MICU1: variants seen among roughly 807,000 people sequenced by gnomAD.
MICU1 encodes the protein calcium uptake protein 1, mitochondrial.
MICU1 carries 45 observed loss-of-function variants against 56.8 expected under a neutral mutation model. The observed-to-expected ratio is 0.79, with a 90% CI of 0.62 to 1.02. The LOEUF is 1.02. Among genes scored for constraint, MICU1 ranks in the 50% least tolerant of loss-of-function variants. MICU1 has a pLI of 0.00. For missense variants in MICU1, 504 were observed against 587.1 expected (o/e 0.86, Z 1.46); for synonymous variants, 186 against 195.1 (o/e 0.95, Z 0.39).
At chr10:72,425,200 T>C (rs1864307718) in intron 8 of MICU1, among the ~76,000 whole-genome samples, 1 of 152,226 alleles carries the variant, frequency 6.6e-6, no homozygotes, top group African/African-American at 2.4e-5. Flanking sequence ...TGCTCCCTGC[T>C]CTCCAGGGCC....
chr10:72,449,905 T>C (rs1865241544), intron 8 of MICU1, among the ~76,000 whole-genome samples: 1 of 152,092 alleles, frequency 6.6e-6, no homozygotes, highest in South Asian at 2.1e-4. Flanking sequence ...GTGCCTAATA[T>C]ACTAGACCAT....
intron 10 of MICU1, among the ~76,000 whole-genome samples, chr10:72,395,858 G>A (rs1017470311): frequency 9.9e-5 from 15 of 152,202 alleles, no homozygotes; most frequent in Non-Finnish European, 5.9e-5. Flanking sequence ...GGGCATAGCT[G>A]AACAAAAGCC....
rs747343780 is a variant in MICU1, at chr10:72,368,248, T to C, written c.1378A>G (p.Met460Val). Residue 460 changes from methionine to valine, a missense_variant, in exon 12 of 12, where the codon ATG (methionine) becomes GTG (valine). Coordinates refer to ENST00000361114, the MANE Select transcript of MICU1 (RefSeq NM_001195518.2). ...DMGFTRLMQA[M>V]WKCAQETAWD... ...GCAGTTTCCTGTGCACATTTCCACA[T>C]GGCCTGCATGAGGCGAGTGAAACCC... The C allele has an allele frequency of 5.0e-6, 8 of 1,613,848 alleles. No individual in the cohort carries two copies. In the Admixed American group the frequency reaches 5.0e-5, roughly 10 times the overall value.
At chr10:72,443,410 A>G (rs191644722) in intron 8 of MICU1, among the ~76,000 whole-genome samples, 4,115 of 152,210 alleles carry the variant, frequency 0.027, 175 homozygotes, top group African/African-American at 0.095. Flanking sequence ...TTTTGTTGCC[A>G]TTGTTTTTGG....
intron 10 of MICU1, among the ~76,000 whole-genome samples, chr10:72,380,745 T>C (rs1160622238): frequency 6.6e-6 from 1 of 152,182 alleles, no homozygotes; most frequent in Non-Finnish European, 1.5e-5. Context: ...CCTTTCCCTA[T>C]ACACACTGGG....
intron 8 of MICU1, among the ~76,000 whole-genome samples, chr10:72,470,415 G>C (rs1286657808): frequency 6.6e-6 from 1 of 152,176 alleles, no homozygotes; most frequent in Non-Finnish European, 1.5e-5. Context: ...ATAAAGAACA[G>C]AAGTTTATTT....
At chr10:72,510,567 A>G (rs1277725063) in intron 5 of MICU1, among the ~76,000 whole-genome samples, 1 of 152,226 alleles carries the variant, frequency 6.6e-6, no homozygotes, top group African/African-American at 2.4e-5. Context: ...ATTCTGATAC[A>G]TAATTTATAG....
chr10:72,547,472 T>C (rs1426681708), intron 4 of MICU1, among the ~76,000 whole-genome samples: 2 of 151,786 alleles, frequency 1.3e-5, no homozygotes, highest in Admixed American at 6.6e-5. Flanking sequence ...TTCTTGCATC[T>C]AGAATGTTCT....
At chr10:72,536,523 T>C (rs1412637888) in intron 4 of MICU1, among the ~76,000 whole-genome samples, 2 of 151,938 alleles carry the variant, frequency 1.3e-5, no homozygotes, top group Non-Finnish European at 2.9e-5. Flanking sequence ...ATTTTTTTTT[T>C]TGTATTTTTA....
In MICU1 at chr10:72,566,710, C is replaced by A; in HGVS notation, c.84G>T (p.Gln28His). The A allele has an allele frequency of 1.9e-6, 3 of 1,612,746 alleles. No individual in the cohort carries two copies. Among genetic ancestry groups the A allele is most frequent in the Non-Finnish European group, 2.5e-6 (3 of 1,179,360 alleles). The change falls in exon 2 of 12, where the codon CAG (glutamine) becomes CAT (histidine). Residue 28 changes from glutamine to histidine, a missense_variant. Coordinates refer to ENST00000361114, the MANE Select transcript of MICU1 (RefSeq NM_001195518.2). Reference sequence around the variant, plus strand: ...CCACCATCATTAGTCTTCGCCGGATCTGGATGGGCTGTGATCCTCCATGGT... The same window carrying A: ...CCACCATCATTAGTCTTCGCCGGATATGGATGGGCTGTGATCCTCCATGGT... ...RWYHGGSQPIQIRRRLMMVAF... is the reference protein window; with the variant it reads ...RWYHGGSQPIHIRRRLMMVAF...
chr10:72,612,579 T>C (rs903353025), intron 1 of MICU1, among the ~76,000 whole-genome samples: 6 of 152,134 alleles, frequency 3.9e-5, no homozygotes, highest in African/African-American at 1.4e-4. Context: ...GGAGGATCAC[T>C]TGAGGCCAGA....
chr10:72,488,215 A>C (rs1357153567), intron 6 of MICU1, among the ~76,000 whole-genome samples: 1 of 151,362 alleles, frequency 6.6e-6, no homozygotes, highest in African/African-American at 2.4e-5. Context: ...AAGAAAAAAA[A>C]ATTAAAAAAA....
At chr10:72,505,184 G>A (rs1231592701) in intron 6 of MICU1, among the ~76,000 whole-genome samples, 7 of 151,748 alleles carry the variant, frequency 4.6e-5, no homozygotes, top group African/African-American at 1.7e-4. Flanking sequence ...TCACCATGTT[G>A]GCCAGGCTGA....
chr10:72,579,493 T>C (rs2132503851), intron 1 of MICU1, among the ~76,000 whole-genome samples: 1 of 152,266 alleles, frequency 6.6e-6, no homozygotes, highest in Non-Finnish European at 1.5e-5. Flanking sequence ...GCAACCCTAA[T>C]CCACAAATCT....
chr10:72,433,875 G>A (rs1564865515), intron 8 of MICU1, among the ~76,000 whole-genome samples: 1 of 152,178 alleles, frequency 6.6e-6, no homozygotes, highest in Non-Finnish European at 1.5e-5. Context: ...CAATGACGAT[G>A]ATTAAATCCT....
chr10:72,414,231 GA>G (rs1349153438), intron 9 of MICU1, among the ~76,000 whole-genome samples: 1 of 152,036 alleles, frequency 6.6e-6, no homozygotes, highest in Non-Finnish European at 1.5e-5. Context: ...AATGTGAATG[GA>G]TAAATAAAAT....
intron 8 of MICU1, among the ~76,000 whole-genome samples, chr10:72,440,494 G>A (rs1482368351): frequency 6.6e-6 from 1 of 152,130 alleles, no homozygotes; most frequent in East Asian, 1.9e-4. Context: ...CATGGGCAAG[G>A]ACTTCATGAC....
intron 6 of MICU1, among the ~76,000 whole-genome samples, chr10:72,496,950 A>G (rs192476754): frequency 6.6e-6 from 1 of 152,350 alleles, no homozygotes; most frequent in African/African-American, 2.4e-5. Context: ...TGCTGTATCA[A>G]TATCTTCTCC....
intron 10 of MICU1, among the ~76,000 whole-genome samples, chr10:72,401,030 G>A (rs939326330): frequency 1.3e-5 from 2 of 152,024 alleles, no homozygotes; most frequent in African/African-American, 4.8e-5. Context: ...AACTACTCCT[G>A]GGCTCAAGAG....
Sources: gnomAD v4.1 joint callset for allele counts (sites outside exome capture counted in the v4.1 genomes callset) on GRCh38, gnomAD v4.1.1 for gene constraint, MANE v1.5 for transcripts, NCBI Gene and HGNC (gene_info 2026-07-23, HGNC 2026-07-21) for gene names.